HDAC11: variants seen among roughly 807,000 people sequenced by gnomAD.
The protein encoded by HDAC11 is histone deacetylase 11.
Under a neutral mutation model 41.1 loss-of-function variants are expected in HDAC11, and 23 were observed. The ratio of observed to expected loss-of-function variants is 0.56; its 90% CI spans 0.40 to 0.79. The LOEUF (loss-of-function observed/expected upper bound fraction) is 0.79, where lower values mean the gene tolerates loss of function less well. HDAC11 is among the 30% of genes least tolerant of loss of function. The pLI, the probability that HDAC11 is intolerant of heterozygous loss-of-function variation, is 0.00. For synonymous variants in HDAC11, 187 were observed against 186.6 expected (o/e 1.00, Z -0.02); for missense variants, 402 against 477.3 (o/e 0.84, Z 1.47).
intron 3 of HDAC11, among the ~76,000 whole-genome samples, chr3:13,493,722 G>T (rs554900285): frequency 6.6e-6 from 1 of 152,188 alleles, no homozygotes; most frequent in South Asian, 2.1e-4. Flanking sequence ...CTGCTGCTCC[G>T]CTGAGGGGCT....
intron 8 of HDAC11, 125 bp from the exon 9 acceptor site, chr3:13,503,969 G>A (rs1702488876): frequency 1.2e-6 from 1 of 839,908 alleles, no homozygotes; most frequent in East Asian, 2.7e-5. Flanking sequence ...AGTTTTGGGT[G>A]GAATGAGGCT....
rs1172742023 is a variant in HDAC11 at position 13,504,001 on chromosome 3, AC to A, written c.650-91del. 4.2e-6 allele frequency: 5 copies of A among 1,196,866 alleles called. No homozygotes were observed. In the African/African-American group the frequency reaches 7.5e-5, roughly 18 times the overall value. 74.1% of individuals were successfully genotyped at this position (1,196,866 alleles called of 1,614,324 possible). The stretch of plus-strand genomic sequence containing the variant: ...GGCTGAGCAGTGCTGAATCTGACAG[AC>A]CAGTTTCCAGTCTTGCCTGGTGTCC... On this transcript the variant is annotated intron_variant, in intron 8 of 9. Transcript: ENST00000295757.
Position 13,503,670 on chromosome 3 carries a change from C to T in HDAC11, c.650-424C>T, listed in dbSNP as rs556751992. ...ATGAGATTTAAAAACAGGGCTGCCACCTTTGCAGGTAGGGGACATTTTTGC... is the reference window on the plus strand; with the variant it reads ...ATGAGATTTAAAAACAGGGCTGCCATCTTTGCAGGTAGGGGACATTTTTGC... On this transcript the variant is annotated intron_variant, in intron 8 of 9. Coordinates refer to ENST00000295757, the MANE Select transcript of HDAC11 (RefSeq NM_024827.4). Among the ~76,000 whole-genome samples, 185 of 152,362 alleles carry T rather than the reference C, an allele frequency of 1.2e-3. 1 individual carries two copies. The highest frequency in any genetic ancestry group is 4.3e-3 in the African/African-American group (179 of 41,586).
At position 13,481,310 on chromosome 3, in the gene HDAC11, C is replaced by G. The variant is rs922461758; in HGVS notation, c.67C>G (p.Arg23Gly). 5.6e-6 allele frequency: 9 copies of G among 1,613,480 alleles called. No individual in the cohort carries two copies. The highest frequency in any genetic ancestry group is 6.8e-6 in the Non-Finnish European group (8 of 1,180,032). Residue 23 changes from arginine to glycine, a missense_variant, in exon 2 of 10, where the codon CGC (arginine) becomes GGC (glycine). Coordinates refer to ENST00000295757, the MANE Select transcript of HDAC11 (RefSeq NM_024827.4). The part of the protein sequence containing the change: ...ETRWPIVYSP[R>G]YNITFMGLEK... The stretch of plus-strand genomic sequence containing the variant: ...ACGCTGGCCAATCGTGTACTCGCCG[C>G]GCTACAACATCACCTTCATGGGCCT...
intron 3 of HDAC11, among the ~76,000 whole-genome samples, chr3:13,490,455 C>A (rs1000524228): frequency 6.6e-6 from 1 of 152,104 alleles, no homozygotes; most frequent in Non-Finnish European, 1.5e-5. Context: ...TAACAATATT[C>A]GGTCTTTCAA....
chr3:13,502,922 T>C lies in HDAC11; in HGVS notation c.591T>C (p.Arg197=), dbSNP rs778022074. Residue 197 remains arginine, a synonymous_variant, in exon 8 of 10, where the codon CGT becomes CGC. Transcript: ENST00000295757. This position sits in a 1 kb window ranked among gnomAD's most constrained non-coding sequence, Gnocchi z 4.1. The stretch of plus-strand genomic sequence containing the variant: ...AGCGAGACTTCATGGACGACAAGCG[T>C]GTGTACATCATGGATGTCTACAACC... ...GHERDFMDDK[R]VYIMDVYNRH... is the part of the protein sequence containing the mutation. 9 of 1,613,598 alleles carry C rather than the reference T, an allele frequency of 5.6e-6. No homozygotes were observed. The highest frequency in any genetic ancestry group is 5.9e-6 in the Non-Finnish European group (7 of 1,179,956).
At chr3:13,495,345 C>T (rs570228378) in intron 3 of HDAC11, among the ~76,000 whole-genome samples, 1 of 152,264 alleles carries the variant, frequency 6.6e-6, no homozygotes, top group East Asian at 1.9e-4. Flanking sequence ...CCTCAGCTGT[C>T]TCACCTGGCT....
Position 13,502,933 on chromosome 3 carries a change from T to G in HDAC11, c.602T>G (p.Met201Arg). The part of the protein sequence containing the change: ...DFMDDKRVYI[M>R]DVYNRHIYPG... ...ATGGACGACAAGCGTGTGTACATCA[T>G]GGATGTCTACAACCGCCACATCTAC... Residue 201 changes from methionine (M) to arginine (R), a missense_variant, in exon 8 of 10, where the codon ATG (methionine) becomes AGG (arginine). Met to Arg is a moderately conservative substitution (Grantham distance 91). Transcript: ENST00000295757. This position sits in a 1 kb window ranked among gnomAD's most constrained non-coding sequence, Gnocchi z 4.1. 6.2e-7 allele frequency: 1 copy of G among 1,613,530 alleles called. No homozygotes were observed. The highest frequency in any genetic ancestry group is 1.7e-4 in the Middle Eastern group (1 of 6,060).
intron 3 of HDAC11, among the ~76,000 whole-genome samples, chr3:13,490,377 C>CA (rs1418480100): frequency 6.6e-6 from 1 of 151,728 alleles, no homozygotes; most frequent in South Asian, 2.1e-4. Context: ...CCATTTTTTG[C>CA]AAAAAAGGCC....
intron 3 of HDAC11, among the ~76,000 whole-genome samples, chr3:13,486,499 G>T (rs900894565): frequency 1.3e-5 from 2 of 151,290 alleles, no homozygotes; most frequent in African/African-American, 4.8e-5. Flanking sequence ...GGATGGTCAG[G>T]GAGGGCCTCA....
Position 13,483,558 on chromosome 3 carries a change from G to T in HDAC11, c.246G>T (p.Glu82Asp), listed in dbSNP as rs754926152. The change falls in exon 3 of 10, where the codon GAG becomes GAT. Residue 82 changes from glutamate (E) to aspartate (D), a missense_variant. Physicochemically the swap from Glu to Asp is conservative, Grantham distance 45. Transcript: ENST00000295757. ...LVVHTRRYLN[E>D]LKWSFAVATI... ...TGCACACGAGGCGCTATCTTAATGAGCTCAAGGTACAGGATGTCGGGCCTG... is the reference window on the plus strand; with the variant it reads ...TGCACACGAGGCGCTATCTTAATGATCTCAAGGTACAGGATGTCGGGCCTG... 12 of 1,612,282 alleles carry T rather than the reference G, an allele frequency of 7.4e-6. No individual in the cohort carries two copies. The highest frequency in any genetic ancestry group is 1.3e-5 in the African/African-American group (1 of 74,774).
In HDAC11 at chr3:13,500,739, G is replaced by A. The variant is rs759249442; in HGVS notation, c.439G>A (p.Asp147Asn). 8.8e-6 allele frequency: 14 copies of A among 1,597,148 alleles called. No homozygotes were observed. The African/African-American group carries it at 1.5e-4, about 17-fold the overall frequency. Residue 147 changes from aspartate (D) to asparagine (N), a missense_variant, in exon 6 of 10, where the codon GAC (aspartate) becomes AAC (asparagine). Physicochemically the swap from Asp to Asn is conservative, Grantham distance 23. Transcript: ENST00000295757. ...GGGTGGCTTCCACCACTGCTCCAGC[G>A]ACCGTGGCGGGGGCTTCTGTGCCTA... Reference protein sequence around the residue: ...VGGGFHHCSSDRGGGFCAYAD... With the variant: ...VGGGFHHCSSNRGGGFCAYAD...
intron 3 of HDAC11, among the ~76,000 whole-genome samples, chr3:13,486,609 C>T (rs1445065052): frequency 4.1e-5 from 5 of 121,134 alleles, no homozygotes; most frequent in African/African-American, 1.3e-4. Context: ...GAAGGAATCT[C>T]GCTTTGTTGC....
At chr3:13,484,015 T>C (rs902743630) in intron 3 of HDAC11, among the ~76,000 whole-genome samples, 1 of 152,210 alleles carries the variant, frequency 6.6e-6, no homozygotes, top group African/African-American at 2.4e-5. Context: ...TGGAGTGCAG[T>C]GATGTGATCT....
In HDAC11 at chr3:13,502,180, C is replaced by T. The variant is rs2125011648; in HGVS notation, c.552+247C>T. On this transcript the variant is annotated intron_variant, in intron 7 of 9. Transcript: ENST00000295757. The surrounding 1 kb of genome is among the most constrained non-coding windows in gnomAD (Gnocchi z 4.1). ...CCCCACATGAGGCTCTTCCTGAAGC[C>T]CACTCTGATGGGACTGCTCTCGTGT... 1.9e-6 allele frequency: 1 copy of T among 538,344 alleles called. No homozygotes were observed. Among genetic ancestry groups the T allele is most frequent in the East Asian group, 3.1e-5 (1 of 32,666 alleles). 33.3% of individuals were successfully genotyped at this position (538,344 alleles called of 1,614,324 possible). A position where few individuals can be genotyped will look rare whatever the true frequency, so the allele number is the denominator to read the frequency against.
rs2125008216 is a variant in HDAC11, at chr3:13,496,844, A to C, written c.361A>C (p.Thr121Pro). 2 of 1,413,768 alleles carry C rather than the reference A, an allele frequency of 1.4e-6. No individual in the cohort carries two copies. The highest frequency in any genetic ancestry group is 2.0e-6 in the Non-Finnish European group (2 of 1,018,628). 87.6% of individuals were successfully genotyped at this position (1,413,768 alleles called of 1,614,324 possible). ...LRPLRTQTGGTIMAGKLAVER... is the reference protein window; with the variant it reads ...LRPLRTQTGGPIMAGKLAVER... ...GCCCCTTCGGACCCAGACAGGAGGA[A>C]CCATAATGGTAGGTGGGGTGGGGGG... The change falls in exon 4 of 10, where the codon ACC becomes CCC. Residue 121 changes from threonine to proline, a missense_variant. By Grantham distance (38) the Thr-to-Pro change is conservative. Transcript: ENST00000295757.
At chr3:13,496,067 G>A (rs557950287) in intron 3 of HDAC11, among the ~76,000 whole-genome samples, 1 of 152,332 alleles carries the variant, frequency 6.6e-6, no homozygotes, top group Non-Finnish European at 1.5e-5. Flanking sequence ...TGGGGTTTGG[G>A]TTCAGCTGGG....
chr3:13,499,950 C>T (rs1221041970), intron 5 of HDAC11, among the ~76,000 whole-genome samples: 1 of 152,140 alleles, frequency 6.6e-6, no homozygotes, highest in African/African-American at 2.4e-5. Context: ...GGTCAGTCTC[C>T]TCATCTGTAA....
At position 13,481,113 on chromosome 3, in the gene HDAC11, G is replaced by A; in HGVS notation, c.3-133G>A. The A allele has an allele frequency of 3.2e-6, 3 of 925,694 alleles. No individual in the cohort carries two copies. In the South Asian group the frequency reaches 5.2e-5, roughly 16 times the overall value. 57.3% of individuals were successfully genotyped at this position (925,694 alleles called of 1,614,324 possible). ...AGCCAGTTTAAGCAGCTGTTGTTGA[G>A]GGGCCCTTGTCTGCGGCTGAGGGGC... On this transcript the variant is annotated intron_variant, in intron 1 of 9. Coordinates refer to ENST00000295757, the MANE Select transcript of HDAC11 (RefSeq NM_024827.4).
Sources: gnomAD v4.1 joint callset for allele counts (sites outside exome capture counted in the v4.1 genomes callset) on GRCh38, gnomAD v4.1.1 for gene constraint, Gnocchi (gnomAD v3.1) non-coding constraint, MANE v1.5 for transcripts, NCBI Gene and HGNC (gene_info 2026-07-23, HGNC 2026-07-21) for gene names.